LRRC49: variants seen among roughly 807,000 people sequenced by gnomAD.
LRRC49 encodes leucine-rich repeat-containing protein 49.
In LRRC49, 50 loss-of-function variants were observed where a neutral mutation model predicts 83.3. That is an observed-to-expected ratio of 0.60 (90% CI 0.48 to 0.76). The LOEUF is 0.76. Ranked by LOEUF, LRRC49 falls within the 30% of genes least tolerant of loss-of-function variation. LRRC49 has a pLI of 0.00. For synonymous variants in LRRC49, 286 were observed against 283.3 expected (o/e 1.01, Z -0.10); for missense variants, 704 against 809.1 (o/e 0.87, Z 1.58).
chr15:70,853,928 C>T (rs1226220022), intron 1 of LRRC49: 1 of 1,414,474 alleles, frequency 7.1e-7, no homozygotes, highest in South Asian at 1.5e-5. Context: ...CGCGCTGCCC[C>T]AGCCGGGGCT....
chr15:70,901,558 A>G (rs556117344), intron 4 of LRRC49, among the ~76,000 whole-genome samples: 3 of 152,220 alleles, frequency 2.0e-5, no homozygotes, highest in South Asian at 2.1e-4. Context: ...CTCAAATGTC[A>G]TCATTTCAGG....
At chr15:71,002,939 CTTTTTTTT>C (rs35998597) in intron 11 of LRRC49, among the ~76,000 whole-genome samples, 59 of 43,036 alleles carry the variant, frequency 1.4e-3, no homozygotes, top group African/African-American at 5.3e-3. Flanking sequence ...ATTTTCTGGC[CTTTTTTTT>C]TTTTTTTTTT....
At chr15:71,030,463 T>C (rs1596160736) in intron 14 of LRRC49, among the ~76,000 whole-genome samples, 1 of 152,182 alleles carries the variant, frequency 6.6e-6, no homozygotes, top group Non-Finnish European at 1.5e-5. Context: ...TTCCTTTGTT[T>C]CAACCTTGGA....
intron 8 of LRRC49, among the ~76,000 whole-genome samples, chr15:70,961,415 T>C (rs369907611): frequency 6.6e-6 from 1 of 152,210 alleles, no homozygotes; most frequent in East Asian, 1.9e-4. Flanking sequence ...TCCATTTGAA[T>C]TGAAAACTTA....
intron 14 of LRRC49, among the ~76,000 whole-genome samples, chr15:71,024,103 C>T (rs1459178838): frequency 6.6e-6 from 1 of 152,212 alleles, no homozygotes; most frequent in Non-Finnish European, 1.5e-5. Flanking sequence ...AGGGACAGAC[C>T]TCTGATCTCC....
chr15:70,932,884 C>T (rs769072291), intron 7 of LRRC49, among the ~76,000 whole-genome samples: 6 of 152,064 alleles, frequency 3.9e-5, no homozygotes, highest in Non-Finnish European at 7.4e-5. Context: ...CACACGCCTC[C>T]GTGCCTGGCT....
chr15:70,893,740 T>A (rs2033695852), intron 2 of LRRC49, 100 bp downstream of exon 2: 9 of 892,370 alleles, frequency 1.0e-5, no homozygotes, highest in Non-Finnish European at 1.6e-5. Context: ...AACTGAAAAA[T>A]TTAAGTAGAT....
At chr15:70,900,381 T>C in intron 3 of LRRC49, 1 of 435,456 alleles carries the variant, frequency 2.3e-6, no homozygotes, top group South Asian at 1.7e-5. Context: ...AAAGAGATGA[T>C]GCGAGGTTTA....
chr15:70,898,800 A>G (rs1351883064), intron 3 of LRRC49, among the ~76,000 whole-genome samples: 2 of 152,258 alleles, frequency 1.3e-5, no homozygotes, highest in South Asian at 2.1e-4. Flanking sequence ...GAAAGAAAGA[A>G]AAAGGAAATA....
At chr15:71,044,026 T>C (rs1310201342) in intron 15 of LRRC49, among the ~76,000 whole-genome samples, 1 of 152,224 alleles carries the variant, frequency 6.6e-6, no homozygotes, top group Non-Finnish European at 1.5e-5. Context: ...ATGCATTGCT[T>C]GTAAAATATT....
intron 14 of LRRC49, among the ~76,000 whole-genome samples, chr15:71,022,528 C>G (rs976761003): frequency 6.6e-6 from 1 of 151,494 alleles, no homozygotes. Flanking sequence ...AAATACTTAC[C>G]GAAATAAAAA....
intron 1 of LRRC49, among the ~76,000 whole-genome samples, chr15:70,872,719 G>T (rs1249732763): frequency 6.6e-6 from 1 of 152,050 alleles, no homozygotes; most frequent in Non-Finnish European, 1.5e-5. Context: ...GACCAGACAA[G>T]TTCCATAGGC....
chr15:70,938,120 A>G (rs890636968), intron 8 of LRRC49, among the ~76,000 whole-genome samples: 5 of 152,042 alleles, frequency 3.3e-5, no homozygotes, highest in African/African-American at 1.2e-4. Context: ...TATGGGGAGT[A>G]ATTTAAAGAG....
chr15:70,968,446 T>C (rs1269288885), intron 9 of LRRC49, among the ~76,000 whole-genome samples: 2 of 152,206 alleles, frequency 1.3e-5, no homozygotes, highest in South Asian at 4.1e-4. Context: ...TAAACATACG[T>C]ATGCATGTGT....
chr15:70,876,507 A>G (rs1292335352), intron 2 of LRRC49, among the ~76,000 whole-genome samples: 5 of 152,106 alleles, frequency 3.3e-5, no homozygotes, highest in Non-Finnish European at 7.4e-5. Context: ...GTCTTCAGAG[A>G]GGGTGAGGGT....
In LRRC49 at chr15:71,051,656, C is replaced by T. The variant is rs2039996357; in HGVS notation, c.*2044C>T. 1 of 152,234 alleles carries T rather than the reference C, an allele frequency of 6.6e-6. No homozygotes were observed. The highest frequency in any genetic ancestry group is 2.1e-4 in the South Asian group (1 of 4,818). The allele number at this position is 152,234 out of a possible 1,614,324, so 9.4% of individuals were successfully genotyped here. On this transcript the variant is annotated 3_prime_UTR_variant, in exon 16 of 16. Coordinates refer to ENST00000260382, the MANE Select transcript of LRRC49 (RefSeq NM_017691.5). ...GGACCTAGCTGTTTAGTAATCTGTC[C>T]AGCTTCCTGCATGTCTGTTCTCCCC...
At chr15:70,871,956 C>T (rs2033055269) in intron 1 of LRRC49, among the ~76,000 whole-genome samples, 3 of 151,908 alleles carry the variant, frequency 2.0e-5, no homozygotes, top group South Asian at 2.1e-4. Context: ...AGACGATGGG[C>T]GGCCAGGCAG....
intron 5 of LRRC49, among the ~76,000 whole-genome samples, chr15:70,910,994 A>G (rs1431849612): frequency 6.6e-6 from 1 of 152,220 alleles, no homozygotes; most frequent in Non-Finnish European, 1.5e-5. Context: ...TCTGGAAGCA[A>G]CTTTGAAGAG....
intron 9 of LRRC49, among the ~76,000 whole-genome samples, chr15:70,964,900 T>C (rs550282949): frequency 7.8e-4 from 119 of 152,258 alleles, no homozygotes; most frequent in African/African-American, 2.7e-3. Flanking sequence ...CATCACAATG[T>C]GTGCAGTTTT....
Sources: allele counts gnomAD v4.1 joint callset (sites outside exome capture counted in the v4.1 genomes callset), GRCh38; gene constraint gnomAD v4.1.1; transcripts MANE v1.5; gene names NCBI Gene and HGNC (gene_info 2026-07-23, HGNC 2026-07-21).